TNRC6A: variants seen among roughly 807,000 people sequenced by gnomAD.
TNRC6A encodes the protein trinucleotide repeat containing adaptor 6A.
In TNRC6A, 44 loss-of-function variants were observed where a neutral mutation model predicts 221.2. The observed-to-expected ratio is 0.20, with a 90% CI of 0.16 to 0.26. The LOEUF is 0.26. Ranked by LOEUF, TNRC6A falls within the 10% of genes least tolerant of loss-of-function variation. The pLI is 1.00. For missense variants in TNRC6A, 2,199 were observed against 2,404.4 expected (o/e 0.91, Z 1.79); for synonymous variants, 847 against 838.5 (o/e 1.01, Z -0.18).
At chr16:24,808,238 C>T (rs1394266596) in intron 17 of TNRC6A, among the ~76,000 whole-genome samples, 1 of 152,228 alleles carries the variant, frequency 6.6e-6, no homozygotes, top group Non-Finnish European at 1.5e-5. Flanking sequence ...AAATTGGCCA[C>T]ATAAGTTCTA....
intron 2 of TNRC6A, among the ~76,000 whole-genome samples, chr16:24,739,619 C>T (rs1259447310): frequency 6.6e-6 from 1 of 151,858 alleles, no homozygotes; most frequent in African/African-American, 2.4e-5. Flanking sequence ...GCTGGGATTA[C>T]AGGCACCCAC....
chr16:24,819,810 A>G (rs1476170308), intron 21 of TNRC6A: 2 of 276,396 alleles, frequency 7.2e-6, no homozygotes, highest in East Asian at 8.3e-5. Context: ...GAGTGACTCA[A>G]TTACGGTTAT....
At position 24,791,585 on chromosome 16, in the gene TNRC6A, A is replaced by G. The variant is rs200048554; in HGVS notation, c.2943A>G (p.Glu981=). 1.9e-6 allele frequency: 3 copies of G among 1,581,868 alleles called. No homozygotes were observed. Among genetic ancestry groups the G allele is most frequent in the Non-Finnish European group, 2.6e-6 (3 of 1,167,104 alleles). The part of the protein sequence containing the change: ...LGGPIPAPAK[E]EEPTGWEEPS... ...GACCTATACCAGCCCCAGCAAAAGA[A>G]GAAGAACCCACAGGCTGGGAGGAAC... The change falls in exon 6 of 25, where the codon GAA becomes GAG. Residue 981 remains glutamate, a synonymous_variant. Transcript: ENST00000395799.
chr16:24,736,613 G>A (rs1046716358), intron 2 of TNRC6A, among the ~76,000 whole-genome samples: 10 of 152,076 alleles, frequency 6.6e-5, no homozygotes, highest in African/African-American at 2.4e-4. Flanking sequence ...CATTTTTTGG[G>A]TCTTGTCTGT....
At chr16:24,780,417 C>G (rs1039634144) in intron 5 of TNRC6A, among the ~76,000 whole-genome samples, 1 of 152,198 alleles carries the variant, frequency 6.6e-6, no homozygotes, top group South Asian at 2.1e-4. Flanking sequence ...ATACCATTAT[C>G]ACCCCTAAGT....
chr16:24,669,325 C>A (rs967926643), intron 2 of TNRC6A, among the ~76,000 whole-genome samples: 1 of 152,016 alleles, frequency 6.6e-6, no homozygotes, highest in African/African-American at 2.4e-5. Flanking sequence ...ATAGTCTCTA[C>A]AAAAAATTTA....
chr16:24,769,955 G>A (rs1183200774), intron 4 of TNRC6A, among the ~76,000 whole-genome samples: 1 of 152,170 alleles, frequency 6.6e-6, no homozygotes, highest in East Asian at 1.9e-4. Flanking sequence ...ATAAAGTGAA[G>A]GAGAAATAAG....
intron 4 of TNRC6A, among the ~76,000 whole-genome samples, chr16:24,762,117 A>G (rs913430740): frequency 2.0e-5 from 3 of 152,190 alleles, no homozygotes; most frequent in Non-Finnish European, 2.9e-5. Flanking sequence ...AAGGATTGAG[A>G]TTTTATTTTT....
In TNRC6A at chr16:24,779,205, G is replaced by C. The variant is rs11865485; in HGVS notation, c.589+1847G>C. On this transcript the variant is annotated intron_variant, in intron 5 of 24. Coordinates refer to ENST00000395799, the MANE Select transcript of TNRC6A (RefSeq NM_014494.4). ...AATGTCTGAGAAGGAAAAACGTCAT[G>C]CCTATTTCTAAAAGAATTTTACTAG... Among the ~76,000 whole-genome samples, 237 of 152,272 alleles carry C rather than the reference G, an allele frequency of 1.6e-3. 2 individuals carry two copies. Among genetic ancestry groups the C allele is most frequent in the African/African-American group, 5.4e-3 (224 of 41,566 alleles).
At chr16:24,687,996 G>A (rs533597569) in intron 2 of TNRC6A, among the ~76,000 whole-genome samples, 79 of 142,590 alleles carry the variant, frequency 5.5e-4, no homozygotes, top group Non-Finnish European at 9.2e-4. Context: ...GCAATGGCGC[G>A]ATCTCTGCTC....
intron 2 of TNRC6A, among the ~76,000 whole-genome samples, chr16:24,665,305 C>A (rs369779229): frequency 1.3e-5 from 2 of 152,182 alleles, no homozygotes; most frequent in South Asian, 4.2e-4. Flanking sequence ...AAACTCCTGA[C>A]CTCAAGCAGT....
intron 4 of TNRC6A, among the ~76,000 whole-genome samples, chr16:24,759,341 CAGTT>C (rs924008697): frequency 1.3e-5 from 2 of 152,116 alleles, no homozygotes; most frequent in African/African-American, 4.8e-5. Flanking sequence ...ATGTGACAGG[CAGTT>C]AGGAGGCATT....
In TNRC6A at chr16:24,804,271, T is replaced by A. The variant is rs770544425; in HGVS notation, c.3789T>A (p.Pro1263=). The A allele has an allele frequency of 5.6e-6, 9 of 1,613,466 alleles. No individual in the cohort carries two copies. Among genetic ancestry groups the A allele is most frequent in the Non-Finnish European group, 7.6e-6 (9 of 1,179,930 alleles). The change falls in exon 12 of 25, where the codon CCT becomes CCA. Residue 1263 remains proline, a synonymous_variant. Coordinates refer to ENST00000395799, the MANE Select transcript of TNRC6A (RefSeq NM_014494.4). ...TCGGGAAAGGCCCTGGTTCTCGGCC[T>A]CAGATTTCCAAAGAGTCTTCCATGG... ...RTVGKGPGSR[P]QISKESSMER...
intron 2 of TNRC6A, among the ~76,000 whole-genome samples, chr16:24,646,540 A>G (rs1902299973): frequency 1.3e-5 from 2 of 152,262 alleles, no homozygotes; most frequent in South Asian, 4.1e-4. Flanking sequence ...ATGAAGCAAT[A>G]AGGGAAACAT....
At chr16:24,632,045 C>T (rs950320135) in intron 1 of TNRC6A, among the ~76,000 whole-genome samples, 2 of 151,724 alleles carry the variant, frequency 1.3e-5, no homozygotes, top group African/African-American at 4.8e-5. Flanking sequence ...TAGACAGGGT[C>T]CTGCTATATT....
intron 11 of TNRC6A, among the ~76,000 whole-genome samples, chr16:24,799,115 C>T (rs2058280089): frequency 6.6e-6 from 1 of 152,294 alleles, no homozygotes; most frequent in East Asian, 1.9e-4. Context: ...TGCCTTGTTG[C>T]TGGCAAAGCT....
At chr16:24,692,935 C>T (rs903832431) in intron 2 of TNRC6A, among the ~76,000 whole-genome samples, 3 of 152,134 alleles carry the variant, frequency 2.0e-5, no homozygotes, top group Non-Finnish European at 4.4e-5. Context: ...TATCACAAAT[C>T]TCAGAGGTCT....
At chr16:24,676,766 T>G (rs374352803) in intron 2 of TNRC6A, among the ~76,000 whole-genome samples, 1 of 152,192 alleles carries the variant, frequency 6.6e-6, no homozygotes, top group East Asian at 1.9e-4. Context: ...GACTTCTTGA[T>G]TTCTTGACTG....
chr16:24,690,796 A>G (rs1460551030), intron 2 of TNRC6A, among the ~76,000 whole-genome samples: 1 of 150,046 alleles, frequency 6.7e-6, no homozygotes, highest in African/African-American at 2.5e-5. Flanking sequence ...AAGTGAAAAT[A>G]AGTTCTTTTC....
Sources: gnomAD v4.1 joint callset for allele counts (sites outside exome capture counted in the v4.1 genomes callset) on GRCh38, gnomAD v4.1.1 for gene constraint, MANE v1.5 for transcripts, NCBI Gene and HGNC (gene_info 2026-07-23, HGNC 2026-07-21) for gene names.